The following NUGGC variants were observed in gnomAD, a reference collection of about 807,000 sequenced individuals.
NUGGC encodes nuclear GTPase, germinal center associated, also known as nuclear GTPase SLIP-GC.
In NUGGC, 58 loss-of-function variants were observed where a neutral mutation model predicts 92.6. That is an observed-to-expected ratio of 0.63 (90% confidence interval 0.51 to 0.78). NUGGC has a LOEUF of 0.78. NUGGC is among the 30% of genes least tolerant of loss of function. NUGGC has a pLI of 0.00. For missense variants in NUGGC, 925 were observed against 964.6 expected (o/e 0.96, Z 0.54); for synonymous variants, 376 against 366.4 (o/e 1.03, Z -0.30).
At chr8:28,047,377 T>C (rs1054289015) in intron 11 of NUGGC, 130 bp downstream of exon 11, 2 of 596,670 alleles carry the variant, frequency 3.4e-6, no homozygotes, top group Admixed American at 3.0e-5. Context: ...TATTTGCAAT[T>C]GGTATTGAAA....
At chr8:28,053,872 T>C (rs1810067833) in intron 10 of NUGGC, among the ~76,000 whole-genome samples, 1 of 152,218 alleles carries the variant, frequency 6.6e-6, no homozygotes, top group Admixed American at 6.5e-5. Flanking sequence ...AAACTGGCAT[T>C]CAAGAATTGC....
At chr8:28,069,172 T>C (rs1409937633) in intron 4 of NUGGC, among the ~76,000 whole-genome samples, 2 of 152,112 alleles carry the variant, frequency 1.3e-5, no homozygotes, top group Admixed American at 6.6e-5. Flanking sequence ...GGACAAATAA[T>C]TGGGGACATG....
At position 28,023,299 on chromosome 8, in the gene NUGGC, G is replaced by A. The variant is rs759033231; in HGVS notation, c.*18C>T. 3.1e-6 allele frequency: 5 copies of A among 1,605,034 alleles called. No homozygotes were observed. Among genetic ancestry groups the A allele is most frequent in the Non-Finnish European group, 4.3e-6 (5 of 1,176,328 alleles). ...GCTCTGGGCTGATTTTTCATCCATTGGGACTAAGCCCCAGGAGTTACAGTG... is the reference window on the plus strand; with the variant it reads ...GCTCTGGGCTGATTTTTCATCCATTAGGACTAAGCCCCAGGAGTTACAGTG... On this transcript the variant is annotated 3_prime_UTR_variant, in exon 19 of 19. Transcript: ENST00000413272.
intron 9 of NUGGC, among the ~76,000 whole-genome samples, chr8:28,057,330 C>CTTTTTTT (rs57167648): frequency 3.3e-3 from 403 of 123,490 alleles, no homozygotes; most frequent in South Asian, 4.5e-3. Context: ...ATTTTCTTTC[C>CTTTTTTT]TTTTTTTTTT....
intron 6 of NUGGC, among the ~76,000 whole-genome samples, 199 bp from the exon 7 acceptor site, chr8:28,064,930 T>C (rs2054035489): frequency 6.6e-6 from 1 of 152,208 alleles, no homozygotes; most frequent in South Asian, 2.1e-4. Flanking sequence ...TCAAGATCCT[T>C]ACCTTACAGA....
In NUGGC at chr8:28,069,058, T is replaced by C. The variant is rs139973369; in HGVS notation, c.257+486A>G. Among the ~76,000 whole-genome samples, 715 of 152,266 alleles carry C rather than the reference T, an allele frequency of 4.7e-3. 20 individuals carry two copies. The highest frequency in any genetic ancestry group is 0.036 in the Admixed American group (543 of 15,292). On this transcript the variant is annotated intron_variant, in intron 4 of 18. Transcript: ENST00000413272. Reference sequence around the variant, plus strand: ...TATATTCTTGATCCTAGAAATACAATGTATACAGACATGAAGTATTAATAG... The same window carrying C: ...TATATTCTTGATCCTAGAAATACAACGTATACAGACATGAAGTATTAATAG...
Position 28,056,677 on chromosome 8 carries a change from T to C in NUGGC, c.1117-623A>G, listed in dbSNP as rs191188279. On this transcript the variant is annotated intron_variant, in intron 9 of 18. Coordinates refer to ENST00000413272, the MANE Select transcript of NUGGC (RefSeq NM_001010906.2). Reference sequence around the variant, plus strand: ...AGGTGTCATGAATACATAAAATAGATGTAGATCCCAGTTTATATTTGATAA... The same window carrying C: ...AGGTGTCATGAATACATAAAATAGACGTAGATCCCAGTTTATATTTGATAA... Among the ~76,000 whole-genome samples, 469 of 152,240 alleles carry C rather than the reference T, an allele frequency of 3.1e-3. 1 individual carries two copies. Among genetic ancestry groups the C allele is most frequent in the African/African-American group, 4.7e-3 (197 of 41,542 alleles).
At position 28,058,164 on chromosome 8, in the gene NUGGC, C is replaced by T. The variant is rs564440452; in HGVS notation, c.1116+94G>A. 2.3e-5 allele frequency: 5 copies of T among 216,980 alleles called. No homozygotes were observed. In the South Asian group the frequency reaches 5.7e-4, roughly 25 times the overall value. The allele number at this position is 216,980 out of a possible 1,614,324, so 13.4% of individuals were successfully genotyped here. Reference sequence around the variant, plus strand: ...CCGAGATCGCGCCAATGCACTCCAGCCTGGGTGACAGAGCGAGACTCTGTC... The same window carrying T: ...CCGAGATCGCGCCAATGCACTCCAGTCTGGGTGACAGAGCGAGACTCTGTC... On this transcript the variant is annotated intron_variant, in intron 9 of 18. Coordinates refer to ENST00000413272, the MANE Select transcript of NUGGC (RefSeq NM_001010906.2).
intron 7 of NUGGC, 130 bp from the exon 8 acceptor site, chr8:28,060,731 G>T: frequency 1.4e-6 from 1 of 704,318 alleles, no homozygotes; most frequent in Non-Finnish European, 2.3e-6. Context: ...CGCACTCTGT[G>T]CACTAGCTGG....
chr8:28,058,361 C>A, intron 8 of NUGGC, 85 bp from the exon 9 acceptor site: 1 of 277,838 alleles, frequency 3.6e-6, no homozygotes, highest in Non-Finnish European at 7.1e-6. Flanking sequence ...AAAAGCAGCA[C>A]ACACTCCCTG....
chr8:28,053,329 G>A (rs6989528), intron 10 of NUGGC, among the ~76,000 whole-genome samples: 2,207 of 152,100 alleles, frequency 0.015, 24 homozygotes, highest in African/African-American at 0.021. Flanking sequence ...GGTGCATACC[G>A]GTATACCGGT....
At chr8:28,073,812 T>C (rs1294839396) in intron 2 of NUGGC, among the ~76,000 whole-genome samples, 1 of 152,106 alleles carries the variant, frequency 6.6e-6, no homozygotes, top group East Asian at 1.9e-4. Flanking sequence ...AACATTATTA[T>C]TATTGAGATG....
chr8:28,043,873 G>A (rs1809760874), intron 12 of NUGGC, among the ~76,000 whole-genome samples: 1 of 152,132 alleles, frequency 6.6e-6, no homozygotes, highest in Non-Finnish European at 1.5e-5. Context: ...CTTCCCCAAC[G>A]ATTTCAGCGG....
chr8:28,063,000 G>T (rs961198247), intron 7 of NUGGC, among the ~76,000 whole-genome samples: 1 of 146,340 alleles, frequency 6.8e-6, no homozygotes, highest in Non-Finnish European at 1.5e-5. Context: ...CCAGGCCCCC[G>T]CTATGAGAAT....
At chr8:28,070,190 C>T in intron 3 of NUGGC, 62 bp downstream of exon 3, 3 of 1,493,406 alleles carry the variant, frequency 2.0e-6, no homozygotes, top group Non-Finnish European at 2.7e-6. Context: ...CTTCCTTTGA[C>T]CATTTTAACA....
chr8:28,052,202 A>T (rs1421078166), intron 10 of NUGGC, among the ~76,000 whole-genome samples: 1 of 152,210 alleles, frequency 6.6e-6, no homozygotes, highest in Non-Finnish European at 1.5e-5. Flanking sequence ...ACTACAGCTT[A>T]TCAATACTAA....
chr8:28,064,064 C>A (rs1323079111), intron 7 of NUGGC, among the ~76,000 whole-genome samples: 2 of 152,222 alleles, frequency 1.3e-5, no homozygotes, highest in African/African-American at 4.8e-5. Flanking sequence ...CATGCTCCTT[C>A]TCCCATTCAC....
At chr8:28,051,777 C>A (rs1244088924) in intron 10 of NUGGC, among the ~76,000 whole-genome samples, 1 of 152,136 alleles carries the variant, frequency 6.6e-6, no homozygotes, top group East Asian at 1.9e-4. Context: ...ACAAAATTAG[C>A]TGGGCCTGGT....
intron 18 of NUGGC, among the ~76,000 whole-genome samples, chr8:28,026,553 G>A (rs1809265424): frequency 6.6e-6 from 1 of 152,192 alleles, no homozygotes; most frequent in Non-Finnish European, 1.5e-5. Flanking sequence ...AGAGAGCAGG[G>A]CAGAGCTGTG....
Sources: allele counts gnomAD v4.1 joint callset (sites outside exome capture counted in the v4.1 genomes callset), GRCh38; gene constraint gnomAD v4.1.1; transcripts MANE v1.5; gene names NCBI Gene and HGNC (gene_info 2026-07-23, HGNC 2026-07-21).